The following CDK8 variants were observed in gnomAD, a reference collection of about 807,000 sequenced individuals.
CDK8 encodes cyclin dependent kinase 8.
A neutral mutation model predicts 71.5 loss-of-function variants in CDK8; 29 were observed. The observed-to-expected ratio is 0.41, with a 90% confidence interval of 0.30 to 0.55. CDK8 has a LOEUF of 0.55. Among genes scored for constraint, CDK8 ranks in the 20% least tolerant of loss-of-function variants. CDK8 has a pLI of 0.37. For missense variants in CDK8, 288 were observed against 572.6 expected, an observed-to-expected ratio of 0.50 and a Z score of 5.07; for synonymous variants, 161 against 192.1, an observed-to-expected ratio of 0.84 and a Z score of 1.34.
At chr13:26,368,969 G>A (rs928905310) in intron 4 of CDK8, among the ~76,000 whole-genome samples, 2 of 151,518 alleles carry the variant, frequency 1.3e-5, no homozygotes, top group Non-Finnish European at 1.5e-5. Flanking sequence ...AGTAGATTCC[G>A]CTTGCTAATA....
At chr13:26,306,801 G>A (rs1874065715) in intron 1 of CDK8, among the ~76,000 whole-genome samples, 1 of 151,812 alleles carries the variant, frequency 6.6e-6, no homozygotes, top group South Asian at 2.1e-4. Context: ...GCTAATTTTT[G>A]TATTTTTAGT....
chr13:26,383,125 T>G (rs1875309450), intron 5 of CDK8, among the ~76,000 whole-genome samples: 1 of 152,214 alleles, frequency 6.6e-6, no homozygotes, highest in Admixed American at 6.5e-5. Context: ...TCATTAAAAA[T>G]GGCCTATAGA....
intron 4 of CDK8, among the ~76,000 whole-genome samples, chr13:26,358,556 A>G (rs1352200405): frequency 6.6e-6 from 1 of 152,226 alleles, no homozygotes; most frequent in Non-Finnish European, 1.5e-5. Flanking sequence ...GTAAAATAAT[A>G]CAGCTGCTGT....
At chr13:26,391,964 C>T (rs2138060455) in intron 6 of CDK8, among the ~76,000 whole-genome samples, 1 of 152,216 alleles carries the variant, frequency 6.6e-6, no homozygotes, top group South Asian at 2.1e-4. Context: ...GTTTAAGTGA[C>T]AGTTATTAAC....
chr13:26,355,170 C>A (rs1396773770), intron 4 of CDK8, among the ~76,000 whole-genome samples: 1 of 152,150 alleles, frequency 6.6e-6, no homozygotes, highest in African/African-American at 2.4e-5. Context: ...TAGGGAATTG[C>A]CTTGTAGTAC....
At chr13:26,348,302 G>A (rs1358175202) in intron 2 of CDK8, among the ~76,000 whole-genome samples, 1 of 152,106 alleles carries the variant, frequency 6.6e-6, no homozygotes, top group African/African-American at 2.4e-5. Context: ...GTGTAACGCA[G>A]GGGTCCCTGC....
At chr13:26,352,576 A>G (rs1036022470) in intron 3 of CDK8, among the ~76,000 whole-genome samples, 3 of 152,186 alleles carry the variant, frequency 2.0e-5, no homozygotes, top group Non-Finnish European at 4.4e-5. Flanking sequence ...AGGACAGGTG[A>G]CAAAACAGCC....
chr13:26,393,276 C>T (rs2138062672), intron 6 of CDK8, 91 bp from the exon 7 acceptor site: 2 of 775,494 alleles, frequency 2.6e-6, no homozygotes, highest in East Asian at 2.9e-5. Context: ...ATTGCATTTT[C>T]TTTTGGAAAG....
chr13:26,320,090 G>C (rs1322225804), intron 1 of CDK8, among the ~76,000 whole-genome samples: 1 of 152,052 alleles, frequency 6.6e-6, no homozygotes, highest in African/African-American at 2.4e-5. Context: ...TAAAGATGTA[G>C]ATGTGAAACC....
intron 6 of CDK8, among the ~76,000 whole-genome samples, chr13:26,389,263 G>A (rs1454201952): frequency 6.6e-6 from 1 of 152,078 alleles, no homozygotes; most frequent in Non-Finnish European, 1.5e-5. Context: ...CCCAGGTTCA[G>A]GCAATTCTGC....
intron 1 of CDK8, among the ~76,000 whole-genome samples, chr13:26,311,916 G>T (rs1227967663): frequency 1.3e-5 from 2 of 152,182 alleles, no homozygotes; most frequent in Non-Finnish European, 2.9e-5. Flanking sequence ...GACAAAATCA[G>T]CATTCTATAA....
rs546351396 is a variant in CDK8, at chr13:26,261,036, G to C, written c.128+6267G>C. ...CCTTCACACCAGATTACGTAGCCTTGGTCATGTTACTTAGAAATTATCTTT... is the reference window on the plus strand; with the variant it reads ...CCTTCACACCAGATTACGTAGCCTTCGTCATGTTACTTAGAAATTATCTTT... On this transcript the variant is annotated intron_variant, in intron 1 of 12. Coordinates refer to ENST00000381527, the MANE Select transcript of CDK8 (RefSeq NM_001260.3). 3.9e-5 allele frequency among the ~76,000 whole-genome samples: 6 copies of C among 152,242 alleles called. No individual in the cohort carries two copies. In the South Asian group the frequency reaches 1.2e-3, roughly 32 times the overall value.
intron 4 of CDK8, among the ~76,000 whole-genome samples, chr13:26,357,099 T>C (rs1319683217): frequency 6.6e-6 from 1 of 152,204 alleles, no homozygotes; most frequent in Non-Finnish European, 1.5e-5. Context: ...GATGGTAGAG[T>C]TATGAATTTC....
chr13:26,315,063 C>T (rs985360557), intron 1 of CDK8, among the ~76,000 whole-genome samples: 1 of 152,200 alleles, frequency 6.6e-6, no homozygotes, highest in East Asian at 1.9e-4. Context: ...ACTACCTTTA[C>T]ATTCTGGGAT....
chr13:26,291,975 G>C (rs1202064403), intron 1 of CDK8, among the ~76,000 whole-genome samples: 1 of 151,968 alleles, frequency 6.6e-6, no homozygotes, highest in Non-Finnish European at 1.5e-5. Flanking sequence ...TCGAGTCTTT[G>C]CATGTTTAAA....
intron 1 of CDK8, among the ~76,000 whole-genome samples, chr13:26,309,975 C>T (rs932760341): frequency 2.0e-5 from 3 of 152,018 alleles, no homozygotes; most frequent in African/African-American, 7.2e-5. Context: ...AGGCTGGTCT[C>T]GAACTTCTGA....
chr13:26,372,400 GA>G (rs1165206267), intron 4 of CDK8, among the ~76,000 whole-genome samples: 1 of 151,974 alleles, frequency 6.6e-6, no homozygotes, highest in African/African-American at 2.4e-5. Flanking sequence ...GAACGTATTA[GA>G]AAAAGAAATA....
intron 1 of CDK8, among the ~76,000 whole-genome samples, chr13:26,261,072 A>G (rs2137853117): frequency 6.6e-6 from 1 of 152,358 alleles, no homozygotes; most frequent in South Asian, 2.1e-4. Flanking sequence ...TCTCTTTAGC[A>G]ATCTTTTATC....
chr13:26,302,444 C>G (rs1359413073), intron 1 of CDK8, among the ~76,000 whole-genome samples: 4 of 152,106 alleles, frequency 2.6e-5, no homozygotes, highest in Non-Finnish European at 5.9e-5. Context: ...GTTCGCGATT[C>G]ATTTGGAAGG....
Sources: allele counts gnomAD v4.1 joint callset (sites outside exome capture counted in the v4.1 genomes callset), GRCh38; gene constraint gnomAD v4.1.1; transcripts MANE v1.5; gene names NCBI Gene and HGNC (gene_info 2026-07-23, HGNC 2026-07-21).